The following DOCK2 variants were observed in gnomAD, a reference collection of about 807,000 sequenced individuals.
DOCK2 encodes dedicator of cytokinesis protein 2.
In DOCK2, 87 loss-of-function variants were observed where a neutral mutation model predicts 248.9. The observed-to-expected ratio is 0.35, with a 90% CI of 0.29 to 0.42. The LOEUF (loss-of-function observed/expected upper bound fraction) is 0.42, where lower values mean the gene tolerates loss of function less well. Among genes scored for constraint, DOCK2 ranks in the 10% least tolerant of loss-of-function variants. The pLI, the probability that DOCK2 is intolerant of heterozygous loss-of-function variation, is 1.00. For missense variants in DOCK2, 1,747 were observed against 2,300.2 expected, an observed-to-expected ratio of 0.76 and a Z score of 4.92; for synonymous variants, 805 against 821.6, an observed-to-expected ratio of 0.98 and a Z score of 0.35.
chr5:169,932,995 T>C (rs975644731), intron 27 of DOCK2, among the ~76,000 whole-genome samples: 3 of 152,162 alleles, frequency 2.0e-5, no homozygotes, highest in African/African-American at 7.2e-5. Context: ...TCTGCCTCTG[T>C]CTGCCATTCT....
intron 2 of DOCK2, among the ~76,000 whole-genome samples, chr5:169,660,983 AT>A (rs1316518557): frequency 2.7e-5 from 4 of 150,934 alleles, no homozygotes; most frequent in African/African-American, 9.8e-5. Context: ...CAAAAAAAAA[AT>A]GATATTATAA....
intron 26 of DOCK2, among the ~76,000 whole-genome samples, chr5:169,819,929 G>A (rs1485584763): frequency 6.6e-6 from 1 of 152,198 alleles, no homozygotes; most frequent in Non-Finnish European, 1.5e-5. Flanking sequence ...CCCTAATACT[G>A]CACTTTTCCA....
At chr5:169,782,510 T>TTC (rs1765764294) in intron 25 of DOCK2, among the ~76,000 whole-genome samples, 1 of 151,894 alleles carries the variant, frequency 6.6e-6, no homozygotes, top group African/African-American at 2.4e-5. Context: ...GTTTTTTTTT[T>TTC]TTTTTTTTAA....
chr5:169,809,753 T>C (rs181187048), intron 26 of DOCK2, among the ~76,000 whole-genome samples: 17 of 152,354 alleles, frequency 1.1e-4, no homozygotes, highest in Non-Finnish European at 2.2e-4. Context: ...TCTGGTTCCA[T>C]TAAAATCCTT....
rs117813961 is a variant in DOCK2 at position 169,638,772 on chromosome 5, T to C, written c.43+1403T>C. On this transcript the variant is annotated intron_variant, in intron 1 of 51. Coordinates refer to ENST00000520908, the MANE Select transcript of DOCK2 (RefSeq NM_004946.3). The stretch of plus-strand genomic sequence containing the variant: ...AAGGTCATGCAATCTCTGTCTGACT[T>C]CAGAACCCCCATGTGAGGCAGTGTA... Among the ~76,000 whole-genome samples, 100 of 152,282 alleles carry C rather than the reference T, an allele frequency of 6.6e-4. No homozygotes were observed. In the East Asian group the frequency reaches 0.019, roughly 29 times the overall value.
chr5:169,858,979 A>G (rs1771032520), intron 27 of DOCK2, among the ~76,000 whole-genome samples: 1 of 152,226 alleles, frequency 6.6e-6, no homozygotes, highest in African/African-American at 2.4e-5. Flanking sequence ...GTGCCACTGC[A>G]CTTCAGCCTG....
chr5:169,744,051 C>T (rs1045522925), intron 22 of DOCK2, among the ~76,000 whole-genome samples: 1 of 151,752 alleles, frequency 6.6e-6, no homozygotes, highest in Non-Finnish European at 1.5e-5. Flanking sequence ...GTGTCAAGAC[C>T]CTTAACTTGT....
intron 2 of DOCK2, among the ~76,000 whole-genome samples, chr5:169,666,896 T>C (rs1758765910): frequency 6.6e-6 from 1 of 152,218 alleles, no homozygotes; most frequent in African/African-American, 2.4e-5. Context: ...ACATAGTTGG[T>C]GCACAATTAA....
Position 169,803,201 on chromosome 5 carries a change from G to T in DOCK2, c.2698G>T (p.Asp900Tyr). Residue 900 changes from aspartate to tyrosine, a missense_variant, in exon 26 of 52, where the codon GAT (aspartate) becomes TAT (tyrosine). Around this residue, in one of 4 missense-constraint regions of DOCK2, gnomAD observed 858 missense variants for 1,183.5 expected, o/e 0.72. Transcript: ENST00000520908. The part of the protein sequence containing the change: ...NSILEVLSYQ[D>Y]AAFTYHHIQE... ...CATCTTGGAAGTCCTTAGCTACCAGGATGCGGTGAGTCCTCCTGATGATGT... is the reference window on the plus strand; with the variant it reads ...CATCTTGGAAGTCCTTAGCTACCAGTATGCGGTGAGTCCTCCTGATGATGT... The T allele has an allele frequency of 6.2e-7, 1 of 1,613,158 alleles. No individual in the cohort carries two copies. Among genetic ancestry groups the T allele is most frequent in the Non-Finnish European group, 8.5e-7 (1 of 1,179,576 alleles).
intron 22 of DOCK2, among the ~76,000 whole-genome samples, chr5:169,730,424 C>T (rs549935031): frequency 3.3e-4 from 50 of 152,202 alleles, no homozygotes; most frequent in African/African-American, 1.2e-3. Context: ...TAGGGGAGAA[C>T]AGGAGAAAGA....
intron 23 of DOCK2, among the ~76,000 whole-genome samples, chr5:169,757,914 GGGA>G (rs1764277426): frequency 6.6e-6 from 1 of 152,148 alleles, no homozygotes; most frequent in African/African-American, 2.4e-5. Context: ...CAAGGTTATG[GGGA>G]AATGGTCAAT....
chr5:169,837,651 AG>A (rs1410671911), intron 26 of DOCK2, among the ~76,000 whole-genome samples: 1 of 152,156 alleles, frequency 6.6e-6, no homozygotes, highest in Non-Finnish European at 1.5e-5. Context: ...AGTAACTTTG[AG>A]GTTACTATTA....
At chr5:169,638,779 C>A (rs184193720) in intron 1 of DOCK2, among the ~76,000 whole-genome samples, 4 of 152,124 alleles carry the variant, frequency 2.6e-5, no homozygotes, top group Non-Finnish European at 5.9e-5. Flanking sequence ...ACTTCAGAAC[C>A]CCCATGTGAG....
chr5:170,052,930 A>G (rs1756969044), intron 41 of DOCK2, among the ~76,000 whole-genome samples: 2 of 152,232 alleles, frequency 1.3e-5, no homozygotes, highest in South Asian at 4.1e-4. Context: ...TTTTTGACAA[A>G]ACATTGAGTT....
chr5:169,783,238 T>G (rs112982838), intron 25 of DOCK2, among the ~76,000 whole-genome samples: 8,915 of 152,280 alleles, frequency 0.059, 421 homozygotes, highest in Admixed American at 0.16. Flanking sequence ...TTTTATTATA[T>G]TAGATTTGGT....
rs745943251 is a variant in DOCK2 at position 170,050,277 on chromosome 5, G to A, written c.4093G>A (p.Gly1365Arg). 1.2e-6 allele frequency: 2 copies of A among 1,614,136 alleles called. No homozygotes were observed. The highest frequency in any genetic ancestry group is 1.7e-5 in the Admixed American group (1 of 60,028). ...FLRNKVFIYR[G>R]KEYERREDFQ... is the part of the protein sequence containing the mutation. Reference sequence around the variant, plus strand: ...GCAGAACAAAGTGTTCATCTACCGCGGGAAGGAATATGAGCGAAGAGAAGA... The same window carrying A: ...GCAGAACAAAGTGTTCATCTACCGCAGGAAGGAATATGAGCGAAGAGAAGA... Residue 1365 changes from glycine to arginine, a missense_variant, in exon 41 of 52, where the codon GGG becomes AGG. This residue lies in a region of DOCK2 where 858 missense variants were observed against 1,183.5 expected (regional missense o/e 0.72). Transcript: ENST00000520908.
chr5:170,024,285 A>G (rs1755828620), intron 33 of DOCK2, among the ~76,000 whole-genome samples: 1 of 151,862 alleles, frequency 6.6e-6, no homozygotes, highest in African/African-American at 2.4e-5. Flanking sequence ...CTACATCCTC[A>G]ACTCTGGATG....
chr5:169,831,228 G>A (rs1479763090), intron 26 of DOCK2, among the ~76,000 whole-genome samples: 1 of 151,158 alleles, frequency 6.6e-6, no homozygotes, highest in Admixed American at 6.6e-5. Context: ...AAAAAAAAAG[G>A]TGTATATTAC....
At chr5:169,883,927 T>C in intron 27 of DOCK2, 2 of 1,460,110 alleles carry the variant, frequency 1.4e-6, no homozygotes, top group Non-Finnish European at 1.8e-6. Context: ...ATCAGGACCA[T>C]ACACTTCTCC....
Sources: gnomAD v4.1 joint callset for allele counts (sites outside exome capture counted in the v4.1 genomes callset) on GRCh38, gnomAD v4.1.1 for gene constraint, gnomAD v4.1.1 regional missense constraint, MANE v1.5 for transcripts, NCBI Gene and HGNC (gene_info 2026-07-23, HGNC 2026-07-21) for gene names.